The following GRB2 variants were observed in gnomAD, a reference collection of about 807,000 sequenced individuals.
GRB2 encodes the protein growth factor receptor-bound protein 2.
In GRB2, 2 loss-of-function variants were observed where a neutral mutation model predicts 27.4. That is an observed-to-expected ratio of 0.07 (90% CI 0.03 to 0.23). The LOEUF is 0.23. Ranked by LOEUF, GRB2 falls within the 10% of genes least tolerant of loss-of-function variation. The probability of loss-of-function intolerance (pLI) is 1.00; values close to 1 mark genes in which losing one functional copy is unlikely to be tolerated. For synonymous variants in GRB2, 94 were observed against 99.6 expected, an observed-to-expected ratio of 0.94 and a Z score of 0.33; for missense variants, 102 against 282.4, an observed-to-expected ratio of 0.36 and a Z score of 4.58.
intron 2 of GRB2, among the ~76,000 whole-genome samples, chr17:75,339,323 A>G (rs2078604690): frequency 6.6e-6 from 1 of 151,048 alleles, no homozygotes; most frequent in Admixed American, 6.6e-5. Flanking sequence ...CCTCCTGAGT[A>G]GCTGGGACTA....
At chr17:75,362,252 T>C (rs1242603382) in intron 2 of GRB2, among the ~76,000 whole-genome samples, 1 of 152,254 alleles carries the variant, frequency 6.6e-6, no homozygotes, top group African/African-American at 2.4e-5. Flanking sequence ...ACCTCCGCCA[T>C]GTCTTTGTAG....
Position 75,325,874 on chromosome 17 carries a change from G to GC in GRB2, c.299+23dup. ...GGATCAGTCAGAGACAGGATTCCAG[G>GC]CAACTGCAGCAGGAAATACTTACTT... On this transcript the variant is annotated intron_variant, in intron 4 of 5. Coordinates refer to ENST00000316804, the MANE Select transcript of GRB2 (RefSeq NM_002086.5). The GC allele has an allele frequency of 3.7e-6, 6 of 1,612,152 alleles. 1 individual carries two copies. Among genetic ancestry groups the GC allele is most frequent in the Non-Finnish European group, 5.1e-6 (6 of 1,179,310 alleles).
intron 2 of GRB2, among the ~76,000 whole-genome samples, chr17:75,373,997 G>A (rs560932674): frequency 1.3e-5 from 2 of 151,452 alleles, no homozygotes; most frequent in East Asian, 2.0e-4. Context: ...GGGTTTCACC[G>A]TGTTAGCCAG....
intron 2 of GRB2, among the ~76,000 whole-genome samples, chr17:75,341,783 G>T (rs2078623168): frequency 6.6e-6 from 1 of 152,100 alleles, no homozygotes; most frequent in South Asian, 2.1e-4. Flanking sequence ...GTGTGACAGG[G>T]AAACATTGGT....
At chr17:75,338,870 G>A (rs2078600107) in intron 2 of GRB2, 1 of 789,332 alleles carries the variant, frequency 1.3e-6, no homozygotes, top group African/African-American at 1.7e-5. Flanking sequence ...TCTAAGAAGT[G>A]TGGCAAGCAT....
At chr17:75,386,992 A>ACAGTG (rs1470380794) in intron 2 of GRB2, among the ~76,000 whole-genome samples, 2 of 151,906 alleles carry the variant, frequency 1.3e-5, no homozygotes, top group Admixed American at 6.6e-5. Flanking sequence ...TGGCTAACTA[A>ACAGTG]AAACACACAC....
chr17:75,346,578 CTTTTTTTT>C (rs775027742), intron 2 of GRB2, among the ~76,000 whole-genome samples: 1 of 68,724 alleles, frequency 1.5e-5, no homozygotes, highest in Non-Finnish European at 2.5e-5. Context: ...CTTTTCTTGC[CTTTTTTTT>C]TTTTTTTTTT....
At chr17:75,376,547 G>A (rs1239508844) in intron 2 of GRB2, among the ~76,000 whole-genome samples, 1 of 148,712 alleles carries the variant, frequency 6.7e-6, no homozygotes, top group Non-Finnish European at 1.5e-5. Flanking sequence ...GATTAGTGAA[G>A]CATGAACTTC....
chr17:75,354,476 T>C (rs1446229046), intron 2 of GRB2, among the ~76,000 whole-genome samples: 1 of 152,168 alleles, frequency 6.6e-6, no homozygotes, highest in Non-Finnish European at 1.5e-5. Flanking sequence ...TTGCCAGTGC[T>C]TCTCGTAGGA....
chr17:75,364,877 G>C (rs1394912722), intron 2 of GRB2, among the ~76,000 whole-genome samples: 2 of 151,612 alleles, frequency 1.3e-5, no homozygotes, highest in Non-Finnish European at 2.9e-5. Flanking sequence ...AGTGTTTTGA[G>C]GTCCATTTAG....
At chr17:75,321,907 C>A in intron 4 of GRB2, 80 bp from the exon 5 acceptor site, 1 of 1,343,132 alleles carries the variant, frequency 7.4e-7, no homozygotes. Flanking sequence ...TAGGAGCTAT[C>A]TCGAGAGAAC....
intron 1 of GRB2, among the ~76,000 whole-genome samples, chr17:75,395,924 C>A (rs969724533): frequency 6.6e-6 from 1 of 151,654 alleles, no homozygotes; most frequent in Non-Finnish European, 1.5e-5. Context: ...CTCATTGCAA[C>A]CTCCACCTCC....
At chr17:75,384,752 C>T (rs2078951338) in intron 2 of GRB2, among the ~76,000 whole-genome samples, 1 of 151,876 alleles carries the variant, frequency 6.6e-6, no homozygotes, top group Non-Finnish European at 1.5e-5. Flanking sequence ...GAGTAAAAGT[C>T]ACCTGAAATT....
chr17:75,337,904 T>TACTACTACAAC (rs758924250), intron 2 of GRB2, among the ~76,000 whole-genome samples: 1 of 103,490 alleles, frequency 9.7e-6, no homozygotes, highest in Non-Finnish European at 2.0e-5. Context: ...ACTACTACTA[T>TACTACTACAAC]TATTATTATT....
At chr17:75,339,256 C>T (rs867186735) in intron 2 of GRB2, 24 of 600,528 alleles carry the variant, frequency 4.0e-5, no homozygotes, top group South Asian at 1.7e-4. Flanking sequence ...TGCAGTGGCA[C>T]GATCTCGGCT....
chr17:75,367,537 A>G (rs1567868861), intron 2 of GRB2, among the ~76,000 whole-genome samples: 1 of 152,214 alleles, frequency 6.6e-6, no homozygotes, highest in Non-Finnish European at 1.5e-5. Context: ...AAAGCCTCAG[A>G]AGTGACTCAT....
At chr17:75,349,605 T>C (rs771729504) in intron 2 of GRB2, among the ~76,000 whole-genome samples, 14 of 149,090 alleles carry the variant, frequency 9.4e-5, no homozygotes, top group Non-Finnish European at 1.9e-4. Context: ...CCGCACCCTC[T>C]GCCTCCTGGG....
intron 2 of GRB2, among the ~76,000 whole-genome samples, chr17:75,384,925 C>T (rs948704319): frequency 1.4e-5 from 2 of 144,090 alleles, no homozygotes; most frequent in Non-Finnish European, 3.0e-5. Flanking sequence ...AGGCCGGGCG[C>T]GGTAGCTCAT....
At chr17:75,332,866 C>A in intron 2 of GRB2, 69 bp from the exon 3 acceptor site, 1 of 985,854 alleles carries the variant, frequency 1.0e-6, no homozygotes, top group Non-Finnish European at 1.6e-6. Flanking sequence ...AGTTACAAGA[C>A]AATTATGCTA....
Sources: allele counts gnomAD v4.1 joint callset (sites outside exome capture counted in the v4.1 genomes callset), GRCh38; gene constraint gnomAD v4.1.1; transcripts MANE v1.5; gene names NCBI Gene and HGNC (gene_info 2026-07-23, HGNC 2026-07-21).